The following RPL23A variants were observed in gnomAD, a reference collection of about 807,000 sequenced individuals.
The protein encoded by RPL23A is large ribosomal subunit protein uL23.
Under a neutral mutation model 17.6 loss-of-function variants are expected in RPL23A, and 2 were observed. The observed-to-expected ratio is 0.11, with a 90% CI of 0.05 to 0.36. The LOEUF (loss-of-function observed/expected upper bound fraction) is 0.36. Among genes scored for constraint, RPL23A ranks in the 10% least tolerant of loss-of-function variants. The probability of loss-of-function intolerance (pLI) is 1.00; values close to 1 mark genes in which losing one functional copy is unlikely to be tolerated. For synonymous variants in RPL23A, 65 were observed against 74.3 expected (o/e 0.87, Z 0.65); for missense variants, 132 against 194.4 (o/e 0.68, Z 1.91).
At chr17:28,722,568 C>T in intron 2 of RPL23A, 155 bp from the exon 3 acceptor site, 1 of 782,534 alleles carries the variant, frequency 1.3e-6, no homozygotes, top group Non-Finnish European at 2.4e-6. Context: ...GGGCTTCAGG[C>T]CCTTAGATTT....
Position 28,720,227 on chromosome 17 carries a change from G to C in RPL23A, c.25+197G>C, listed in dbSNP as rs548045167. ...GGCTGAGTTCCGGTAGAGGGAGTTG[G>C]GGGGGGGCAACGCGGCAGGCATCAT... is the stretch of plus-strand genomic sequence containing the variant. On this transcript the variant is annotated intron_variant, in intron 1 of 4. Transcript: ENST00000422514. 376 of 1,536,266 alleles carry C rather than the reference G, an allele frequency of 2.4e-4. 3 individuals are homozygous for C. Among genetic ancestry groups the C allele is most frequent in the South Asian group, 1.8e-3 (152 of 83,524 alleles).
intron 2 of RPL23A, chr17:28,721,513 G>A (rs148717239): frequency 2.0e-5 from 3 of 152,994 alleles, no homozygotes; most frequent in Non-Finnish European, 2.9e-5. Flanking sequence ...CCTTGAGGGT[G>A]AGAACGTGGA....
At chr17:28,721,125 G>A (rs1339199972) in intron 2 of RPL23A, 4 of 413,362 alleles carry the variant, frequency 9.7e-6, no homozygotes, top group Non-Finnish European at 1.8e-5. Context: ...GCCGAGGGGG[G>A]GCGGATCACT....
rs1278140878 is a variant in RPL23A, at chr17:28,719,999, T to C, written c.-7T>C. ...TGGGAACGAGCATTGGAGACCCTTT[T>C]CACAAGATGGCGCCGAAAGCGAAGA... On this transcript the variant is annotated 5_prime_UTR_variant, in exon 1 of 5. Coordinates refer to ENST00000422514, the MANE Select transcript of RPL23A (RefSeq NM_000984.6). 6.4e-7 allele frequency: 1 copy of C among 1,551,794 alleles called. No homozygotes were observed. Among genetic ancestry groups the C allele is most frequent in the Non-Finnish European group, 8.7e-7 (1 of 1,147,084 alleles).
Position 28,720,457 on chromosome 17 carries a change from TC to T in RPL23A, c.26-249del, listed in dbSNP as rs747217878. ...TATGTGTAAAATTCGTAGGACATTT[TC>T]TGGAAAGTATCAAGCGTTCATTCAG... On this transcript the variant is annotated intron_variant, in intron 1 of 4. Coordinates refer to ENST00000422514, the MANE Select transcript of RPL23A (RefSeq NM_000984.6). 17 of 1,611,080 alleles carry T rather than the reference TC, an allele frequency of 1.1e-5. No individual in the cohort carries two copies. In the African/African-American group the frequency reaches 2.3e-4, roughly 21 times the overall value.
At chr17:28,723,376 G>A (rs2034150549) in intron 3 of RPL23A, 195 bp from the exon 4 acceptor site, 1 of 761,346 alleles carries the variant, frequency 1.3e-6, no homozygotes, top group South Asian at 1.4e-5. Flanking sequence ...TCTTAATGTG[G>A]CCTGTGGTGT....
chr17:28,723,439 T>G, intron 3 of RPL23A, 132 bp from the exon 4 acceptor site: 1 of 803,432 alleles, frequency 1.2e-6, no homozygotes, highest in Non-Finnish European at 2.3e-6. Flanking sequence ...GGGCTAATGA[T>G]GGAAAAATCA....
At chr17:28,721,595 G>C (rs774690775) in intron 2 of RPL23A, 1 of 152,180 alleles carries the variant, frequency 6.6e-6, no homozygotes, top group Non-Finnish European at 1.5e-5. Flanking sequence ...GTGTATAGAA[G>C]CTTCTTTCCA....
At chr17:28,722,648 T>G (rs773059590) in intron 2 of RPL23A, 75 bp from the exon 3 acceptor site, 1 of 1,196,902 alleles carries the variant, frequency 8.4e-7, no homozygotes, top group Non-Finnish European at 1.3e-6. Context: ...CGTTGTCTGA[T>G]GCACCTAGGC....
At chr17:28,723,083 C>T (rs1423132217) in intron 3 of RPL23A, among the ~76,000 whole-genome samples, 184 bp downstream of exon 3, 1 of 150,862 alleles carries the variant, frequency 6.6e-6, no homozygotes, top group Non-Finnish European at 1.5e-5. Flanking sequence ...CCATTGTACT[C>T]CAGCCTGAGC....
chr17:28,720,198 C>A, intron 1 of RPL23A, 168 bp downstream of exon 1: 4 of 1,532,092 alleles, frequency 2.6e-6, no homozygotes, highest in Non-Finnish European at 3.5e-6. Context: ...GGCCCAGCCT[C>A]GTGGGCTGAG....
intron 1 of RPL23A, chr17:28,720,339 A>G: frequency 6.4e-7 from 1 of 1,551,518 alleles, no homozygotes; most frequent in Non-Finnish European, 8.7e-7. Context: ...GTAAGGAATT[A>G]GTGCCCTCAG....
intron 3 of RPL23A, 51 bp downstream of exon 3, chr17:28,722,950 C>T: frequency 6.8e-7 from 1 of 1,469,840 alleles, no homozygotes; most frequent in Non-Finnish European, 9.5e-7. Context: ...CAGTCTGGAG[C>T]CAAAAAAACC....
Position 28,723,613 on chromosome 17 carries a change from T to C in RPL23A, c.429T>C (p.Asp143=), listed in dbSNP as rs1483825863. ...AGGCATATGTTCGACTGGCTCCTGA[T>C]TACGATGCTTTGGATGTTGCCAACA... ...EKKAYVRLAP[D]YDALDVANKI... is the part of the protein sequence containing the mutation. Residue 143 remains aspartate, a synonymous_variant, in exon 4 of 5, where the codon GAT becomes GAC. Coordinates refer to ENST00000422514, the MANE Select transcript of RPL23A (RefSeq NM_000984.6). 6.2e-7 allele frequency: 1 copy of C among 1,614,060 alleles called. No individual in the cohort carries two copies. Among genetic ancestry groups the C allele is most frequent in the South Asian group, 1.1e-5 (1 of 91,080 alleles).
At chr17:28,720,183 G>T (rs550112443) in intron 1 of RPL23A, 153 bp downstream of exon 1, 1 of 1,524,884 alleles carries the variant, frequency 6.6e-7, no homozygotes. Context: ...TACGTGGGCC[G>T]CGTGGGCCCA....
Position 28,720,580 on chromosome 17 carries a change from G to A in RPL23A, c.26-127G>A, listed in dbSNP as rs761083910. 31 of 1,376,154 alleles carry A rather than the reference G, an allele frequency of 2.3e-5. No individual in the cohort carries two copies. The African/African-American group carries it at 4.3e-4, about 19-fold the overall frequency. 85.2% of individuals were successfully genotyped at this position (1,376,154 alleles called of 1,614,324 possible). A position where few individuals can be genotyped will look rare whatever the true frequency, so the allele number is the denominator to read the frequency against. ...TATGATGGAAAAGTTTTAATCTCCT[G>A]ACACTTGTGATGTCTTCAAAGGAAC... On this transcript the variant is annotated intron_variant, in intron 1 of 4. Transcript: ENST00000422514.
In RPL23A at chr17:28,720,364, C is replaced by T. The variant is rs759748355; in HGVS notation, c.25+334C>T. ...AGTGCCCTCAGCTTTAACCATTTTC[C>T]TTCTGGTTCATGTTCAACCGGGCTA... is the stretch of plus-strand genomic sequence containing the variant. On this transcript the variant is annotated intron_variant, in intron 1 of 4. Coordinates refer to ENST00000422514, the MANE Select transcript of RPL23A (RefSeq NM_000984.6). 1.0e-5 allele frequency: 16 copies of T among 1,557,186 alleles called. No individual in the cohort carries two copies. In the South Asian group the frequency reaches 1.5e-4, roughly 15 times the overall value.
intron 3 of RPL23A, chr17:28,723,202 G>A (rs978327764): frequency 1.3e-5 from 7 of 531,736 alleles, no homozygotes; most frequent in African/African-American, 7.6e-5. Context: ...AGCAGTGTGT[G>A]TGAGCCTTGA....
In RPL23A at chr17:28,720,828, G is replaced by A. The variant is rs781326437; in HGVS notation, c.147G>A (p.Pro49=). The A allele has an allele frequency of 2.5e-6, 4 of 1,613,866 alleles. No homozygotes were observed. Among genetic ancestry groups the A allele is most frequent in the Non-Finnish European group, 3.4e-6 (4 of 1,179,844 alleles). Residue 49 remains proline, a synonymous_variant, in exon 2 of 5, where the codon CCG becomes CCA. Transcript: ENST00000422514. ...GCACGTCACCCACCTTCCGGCGGCCGAAGACACTGCGACTCCGGAGACAGC... is the reference window on the plus strand; with the variant it reads ...GCACGTCACCCACCTTCCGGCGGCCAAAGACACTGCGACTCCGGAGACAGC... ...KIRTSPTFRR[P]KTLRLRRQPK...
Sources: allele counts gnomAD v4.1 joint callset (sites outside exome capture counted in the v4.1 genomes callset), GRCh38; gene constraint gnomAD v4.1.1; transcripts MANE v1.5; gene names NCBI Gene and HGNC (gene_info 2026-07-23, HGNC 2026-07-21).